The following MOGAT1 variants were observed in gnomAD, a reference collection of about 807,000 sequenced individuals.
MOGAT1 encodes 2-acylglycerol O-acyltransferase 1.
MOGAT1 carries 32 observed loss-of-function variants against 31.4 expected under a neutral mutation model. The ratio of observed to expected loss-of-function variants is 1.02; its 90% CI spans 0.77 to 1.37. The LOEUF (loss-of-function observed/expected upper bound fraction) is 1.37. Among genes scored for constraint, MOGAT1 ranks in the 40% most tolerant of loss-of-function variants. The pLI is 0.00. For missense variants in MOGAT1, 426 were observed against 402.0 expected, an observed-to-expected ratio of 1.06 and a Z score of -0.51; for synonymous variants, 145 against 144.5, an observed-to-expected ratio of 1.00 and a Z score of -0.03.
chr2:222,704,555 C>T lies in MOGAT1; in HGVS notation c.854-5181C>T, dbSNP rs1692975957. Among the ~76,000 whole-genome samples, 7 of 151,330 alleles carry T rather than the reference C, an allele frequency of 4.6e-5. No individual in the cohort carries two copies. The South Asian group carries it at 1.0e-3, about 22-fold the overall frequency. ...AGGAGAGTGGCGTGAACCCGGGAGG[C>T]GGAGCTTGCAGTGAGCCGAGATCGC... is the stretch of plus-strand genomic sequence containing the variant. On this transcript the variant is annotated intron_variant, in intron 5 of 5. Transcript: ENST00000446656.
chr2:222,681,537 C>A (rs1476391392), intron 1 of MOGAT1, among the ~76,000 whole-genome samples: 1 of 152,160 alleles, frequency 6.6e-6, no homozygotes, highest in East Asian at 1.9e-4. Flanking sequence ...TGTTCACCAA[C>A]CCAGAAGCTG....
intron 5 of MOGAT1, among the ~76,000 whole-genome samples, chr2:222,701,563 GAAAGAAAGA>G (rs1442576392): frequency 2.9e-5 from 3 of 103,328 alleles, no homozygotes; most frequent in Admixed American, 2.1e-4. Flanking sequence ...GAAAGAAAGA[GAAAGAAAGA>G]AAAGAAAGAA....
At chr2:222,672,564 T>C (rs1420172550) in intron 1 of MOGAT1, among the ~76,000 whole-genome samples, 1 of 152,086 alleles carries the variant, frequency 6.6e-6, no homozygotes, top group African/African-American at 2.4e-5. Context: ...TTCTTTTTGT[T>C]TTTTGTTTTT....
rs1693085480 is a variant in MOGAT1, at chr2:222,709,754, T to G, written c.872T>G (p.Val291Gly). The change falls in exon 6 of 6, where the codon GTT (valine) becomes GGT (glycine). Residue 291 changes from valine (V) to glycine (G), a missense_variant. Coordinates refer to ENST00000446656, the MANE Select transcript of MOGAT1 (RefSeq NM_058165.3). ...IHTVVGRPIP[V>G]RQTLNPTQEQ... is the part of the protein sequence containing the mutation. The stretch of plus-strand genomic sequence containing the variant: ...TTTGCAGTTGGCCGCCCGATCCCTG[T>G]TCGTCAGACTCTGAACCCGACCCAG... 1.2e-6 allele frequency: 2 copies of G among 1,613,118 alleles called. No individual in the cohort carries two copies. The highest frequency in any genetic ancestry group is 1.7e-6 in the Non-Finnish European group (2 of 1,179,578).
intron 3 of MOGAT1, among the ~76,000 whole-genome samples, chr2:222,690,859 T>C (rs1038658236): frequency 2.0e-5 from 3 of 152,256 alleles, no homozygotes; most frequent in Non-Finnish European, 2.9e-5. Context: ...CTTCTCTTCC[T>C]TGTTTTGTAT....
chr2:222,709,174 C>T (rs1342835677), intron 5 of MOGAT1, among the ~76,000 whole-genome samples: 2 of 152,022 alleles, frequency 1.3e-5, no homozygotes, highest in Non-Finnish European at 2.9e-5. Context: ...AAAAATTAGC[C>T]GGGCATGGTG....
chr2:222,684,625 G>A (rs1465394231), intron 1 of MOGAT1, among the ~76,000 whole-genome samples: 1 of 152,000 alleles, frequency 6.6e-6, no homozygotes, highest in Non-Finnish European at 1.5e-5. Context: ...CACCCGGGCT[G>A]AAGTGAAACG....
chr2:222,683,951 T>C (rs1360962650), intron 1 of MOGAT1, among the ~76,000 whole-genome samples: 1 of 152,232 alleles, frequency 6.6e-6, no homozygotes, highest in African/African-American at 2.4e-5. Context: ...AGCTGCACAA[T>C]GTAACAGCGT....
chr2:222,696,582 T>G (rs1692838917), intron 5 of MOGAT1, among the ~76,000 whole-genome samples: 1 of 152,260 alleles, frequency 6.6e-6, no homozygotes, highest in African/African-American at 2.4e-5. Flanking sequence ...AATTGTCTAT[T>G]CATGTCCTTA....
chr2:222,687,849 A>G (rs139183556), intron 1 of MOGAT1, among the ~76,000 whole-genome samples: 14 of 152,318 alleles, frequency 9.2e-5, no homozygotes, highest in African/African-American at 3.1e-4. Context: ...AATTCTCTAC[A>G]TCCCTCCTGT....
intron 1 of MOGAT1, among the ~76,000 whole-genome samples, chr2:222,672,547 G>A (rs1289471738): frequency 6.6e-6 from 1 of 152,168 alleles, no homozygotes; most frequent in East Asian, 1.9e-4. Context: ...AAAAACGTGG[G>A]TGGTTTTTCT....
At chr2:222,707,343 GAAAGAA>G (rs1240319586) in intron 5 of MOGAT1, among the ~76,000 whole-genome samples, 1 of 81,694 alleles carries the variant, frequency 1.2e-5, no homozygotes, top group Non-Finnish European at 2.5e-5. Flanking sequence ...GAAAAAGAAA[GAAAGAA>G]AAAGAAAGAA....
intron 1 of MOGAT1, among the ~76,000 whole-genome samples, chr2:222,675,854 A>C (rs963989620): frequency 1.3e-5 from 2 of 152,004 alleles, no homozygotes; most frequent in African/African-American, 4.8e-5. Flanking sequence ...TTCAATTCTT[A>C]CAGGAAATAA....
intron 1 of MOGAT1, chr2:222,678,087 T>C (rs935053748): frequency 5.5e-5 from 12 of 216,480 alleles, no homozygotes; most frequent in Admixed American, 1.5e-4. Flanking sequence ...TTCTGCTTTA[T>C]CTAAAATATC....
rs776843525 is a variant in MOGAT1, at chr2:222,709,736, T to C, written c.854T>C (p.Val285Ala). Residue 285 changes from valine (V) to alanine (A), a missense_variant and splice_region_variant, in exon 6 of 6, where the codon GTT becomes GCT. Val to Ala is a moderately conservative substitution (Grantham distance 64). Coordinates refer to ENST00000446656, the MANE Select transcript of MOGAT1 (RefSeq NM_058165.3). ...GTATGATGTATTCCCTGATTTGCAG[T>C]TGGCCGCCCGATCCCTGTTCGTCAG... Reference protein sequence around the residue: ...MTYRKAIHTVVGRPIPVRQTL... With the variant: ...MTYRKAIHTVAGRPIPVRQTL... 6.2e-7 allele frequency: 1 copy of C among 1,611,968 alleles called. No individual in the cohort carries two copies. The highest frequency in any genetic ancestry group is 1.3e-5 in the African/African-American group (1 of 74,764).
intron 1 of MOGAT1, among the ~76,000 whole-genome samples, chr2:222,681,346 T>C (rs1692578360): frequency 6.6e-6 from 1 of 152,226 alleles, no homozygotes; most frequent in Admixed American, 6.5e-5. Flanking sequence ...CCTTGGACTC[T>C]GTCATTTGCT....
At chr2:222,690,215 C>T (rs1451742872) in intron 3 of MOGAT1, among the ~76,000 whole-genome samples, 1 of 151,670 alleles carries the variant, frequency 6.6e-6, no homozygotes, top group Non-Finnish European at 1.5e-5. Flanking sequence ...AGATGGTGCC[C>T]CTGCACTTCA....
rs73073778 is a variant in MOGAT1, at chr2:222,692,984, C to G, written c.479-1378C>G. On this transcript the variant is annotated intron_variant, in intron 3 of 5. Coordinates refer to ENST00000446656, the MANE Select transcript of MOGAT1 (RefSeq NM_058165.3). Reference sequence around the variant, plus strand: ...CAGGCTCAGGCTCTCTACCTCTAACCCAGCATCCTCTGCCTCTTAAGAGGG... The same window carrying G: ...CAGGCTCAGGCTCTCTACCTCTAACGCAGCATCCTCTGCCTCTTAAGAGGG... Among the ~76,000 whole-genome samples, 819 of 152,274 alleles carry G rather than the reference C, an allele frequency of 5.4e-3. 7 individuals carry two copies. Among genetic ancestry groups the G allele is most frequent in the African/African-American group, 0.019 (786 of 41,550 alleles).
intron 5 of MOGAT1, among the ~76,000 whole-genome samples, chr2:222,696,574 T>C (rs1692838787): frequency 6.6e-6 from 1 of 152,248 alleles, no homozygotes; most frequent in South Asian, 2.1e-4. Context: ...CTTTTCAGAA[T>C]TGTCTATTCA....
Sources: gnomAD v4.1 joint callset for allele counts (sites outside exome capture counted in the v4.1 genomes callset) on GRCh38, gnomAD v4.1.1 for gene constraint, MANE v1.5 for transcripts, NCBI Gene and HGNC (gene_info 2026-07-23, HGNC 2026-07-21) for gene names.